Variants in PCDHGA6 observed in about 807,000 individuals in gnomAD.
The protein encoded by PCDHGA6 is protocadherin gamma subfamily A, 6.
PCDHGA6 carries 41 observed loss-of-function variants against 60.6 expected under a neutral mutation model. The ratio of observed to expected loss-of-function variants is 0.68; its 90% CI spans 0.53 to 0.88. The LOEUF (loss-of-function observed/expected upper bound fraction) is 0.88. PCDHGA6 is among the 40% of genes least tolerant of loss of function. The pLI is 0.00. For synonymous variants in PCDHGA6, 594 were observed against 524.4 expected (o/e 1.13, Z -1.81); for missense variants, 1,312 against 1,203.0 (o/e 1.09, Z -1.34).
intron 1 of PCDHGA6, chr5:141,394,033 G>C (rs1242755844): frequency 1.2e-6 from 2 of 1,613,422 alleles, no homozygotes; most frequent in Non-Finnish European, 1.7e-6. Context: ...TTAGTGACAA[G>C]GAAATATTTG....
chr5:141,441,041 C>T (rs2098220628), intron 1 of PCDHGA6: 1 of 152,152 alleles, frequency 6.6e-6, no homozygotes, highest in African/African-American at 2.4e-5. Context: ...ACTTTAAGTA[C>T]ATTGGACTTT....
chr5:141,432,495 C>G lies in PCDHGA6; in HGVS notation c.2424+55988C>G. 1.2e-6 allele frequency: 2 copies of G among 1,614,182 alleles called. No individual in the cohort carries two copies. The highest frequency in any genetic ancestry group is 1.7e-6 in the Non-Finnish European group (2 of 1,180,048). On this transcript the variant is annotated intron_variant, in intron 1 of 3. Coordinates refer to ENST00000517434, the MANE Select transcript of PCDHGA6 (RefSeq NM_018919.3). The surrounding 1 kb of genome is among the most constrained non-coding windows in gnomAD (Gnocchi z 6.0). ...GGTTCCACTGGCGTGGAGCTGGCTC[C>G]CCGCTCCGCAGAGCCCGGCTACCTG...
Position 141,476,085 on chromosome 5 carries a change from G to C in PCDHGA6, c.2425-18722G>C, listed in dbSNP as rs1163057402. On this transcript the variant is annotated intron_variant, in intron 1 of 3. Coordinates refer to ENST00000517434, the MANE Select transcript of PCDHGA6 (RefSeq NM_018919.3). This position sits in a 1 kb window ranked among gnomAD's most constrained non-coding sequence, Gnocchi z 7.6. ...TCAGCGAAATCTCAGGGACGATCTG[G>C]ACCCCGCTGAGAGGAACTGCTTTTG... 1.3e-6 allele frequency: 2 copies of C among 1,551,682 alleles called. No individual in the cohort carries two copies. Among genetic ancestry groups the C allele is most frequent in the East Asian group, 2.3e-5 (1 of 44,392 alleles).
At chr5:141,433,361 A>G (rs1208326325) in intron 1 of PCDHGA6, 15 of 297,508 alleles carry the variant, frequency 5.0e-5, no homozygotes, top group Non-Finnish European at 7.0e-5. Context: ...CTGTCTGCCT[A>G]TCTATCTATC....
chr5:141,390,061 A>G, intron 1 of PCDHGA6: 1 of 1,614,016 alleles, frequency 6.2e-7, no homozygotes, highest in East Asian at 2.2e-5. Context: ...AGCTGCTTCC[A>G]GCCTGGTCTC....
chr5:141,477,042 G>A lies in PCDHGA6; in HGVS notation c.2425-17765G>A. ...ACCGGGATGCTGACAATCAAGGGTC[G>A]GCTGGACTTCGAGGACACCAAACTC... On this transcript the variant is annotated intron_variant, in intron 1 of 3. Transcript: ENST00000517434. This position sits in a 1 kb window ranked among gnomAD's most constrained non-coding sequence, Gnocchi z 4.9. 1 of 1,614,238 alleles carries A rather than the reference G, an allele frequency of 6.2e-7. No homozygotes were observed. Among genetic ancestry groups the A allele is most frequent in the Non-Finnish European group, 8.5e-7 (1 of 1,180,040 alleles).
At chr5:141,408,990 A>T (rs1554103244) in intron 1 of PCDHGA6, 1 of 1,613,984 alleles carries the variant, frequency 6.2e-7, no homozygotes, top group South Asian at 1.1e-5. Flanking sequence ...CCTGTGTTGC[A>T]AGTGACAGCC....
chr5:141,423,246 G>A, intron 1 of PCDHGA6: 15 of 1,613,922 alleles, frequency 9.3e-6, no homozygotes, highest in Non-Finnish European at 1.3e-5. Context: ...CCGAAGTCCT[G>A]GCGGACCTCG....
intron 1 of PCDHGA6, chr5:141,410,735 T>A (rs2095420224): frequency 1.5e-6 from 2 of 1,336,188 alleles, no homozygotes; most frequent in East Asian, 4.7e-5. Context: ...CATAGCTTTT[T>A]ACAATATTTT....
At chr5:141,505,353 G>A (rs376781305) in intron 2 of PCDHGA6, 40 bp from the exon 3 acceptor site, 51 of 1,613,426 alleles carry the variant, frequency 3.2e-5, no homozygotes, top group East Asian at 2.7e-4. Flanking sequence ...GAGCTGTGCC[G>A]GCCTGGGAGT....
chr5:141,399,419 G>A, intron 1 of PCDHGA6: 1 of 1,614,000 alleles, frequency 6.2e-7, no homozygotes, highest in East Asian at 2.2e-5. Flanking sequence ...CTCTCCTCCA[G>A]CATAAGCGTC....
intron 1 of PCDHGA6, chr5:141,421,662 G>C: frequency 5.6e-6 from 9 of 1,613,844 alleles, no homozygotes; most frequent in Non-Finnish European, 7.6e-6. Context: ...AAGTCAGTGA[G>C]CACGCAATTC....
At chr5:141,434,561 G>A (rs2097702856) in intron 1 of PCDHGA6, among the ~76,000 whole-genome samples, 1 of 152,188 alleles carries the variant, frequency 6.6e-6, no homozygotes, top group Non-Finnish European at 1.5e-5. Flanking sequence ...GTGCCTTAAG[G>A]ACATGCCCCT....
intron 1 of PCDHGA6, 138 bp from the exon 2 acceptor site, chr5:141,494,669 T>A: frequency 6.5e-7 from 1 of 1,527,472 alleles, no homozygotes; most frequent in South Asian, 1.2e-5. Context: ...TGGAGATGAG[T>A]CCACCCCTGC....
At position 141,432,724 on chromosome 5, in the gene PCDHGA6, C is replaced by T. The variant is rs752394602; in HGVS notation, c.2424+56217C>T. ...AGGACCACGGCCAGCCCCCTCTCTCCGCCACTGTCACGCTCACCGTGGCCG... is the reference window on the plus strand; with the variant it reads ...AGGACCACGGCCAGCCCCCTCTCTCTGCCACTGTCACGCTCACCGTGGCCG... On this transcript the variant is annotated intron_variant, in intron 1 of 3. Coordinates refer to ENST00000517434, the MANE Select transcript of PCDHGA6 (RefSeq NM_018919.3). The surrounding 1 kb of genome is among the most constrained non-coding windows in gnomAD (Gnocchi z 6.0). The T allele has an allele frequency of 8.1e-6, 13 of 1,614,066 alleles. No individual in the cohort carries two copies. Among genetic ancestry groups the T allele is most frequent in the Middle Eastern group, 1.6e-4 (1 of 6,062 alleles).
At chr5:141,378,896 TTCTGTTA>T (rs1377436714) in intron 1 of PCDHGA6, 1 of 152,242 alleles carries the variant, frequency 6.6e-6, no homozygotes, top group Non-Finnish European at 1.5e-5. Context: ...AGATAGGAGA[TTCTGTTA>T]TCGACAGTCT....
intron 1 of PCDHGA6, 137 bp from the exon 2 acceptor site, chr5:141,494,670 C>T: frequency 6.5e-7 from 1 of 1,529,402 alleles, no homozygotes; most frequent in Non-Finnish European, 8.8e-7. Flanking sequence ...GGAGATGAGT[C>T]CACCCCTGCC....
chr5:141,499,572 T>C (rs2099792782), intron 2 of PCDHGA6, among the ~76,000 whole-genome samples: 1 of 152,178 alleles, frequency 6.6e-6, no homozygotes, highest in Admixed American at 6.5e-5. Flanking sequence ...CAGCTTCAAC[T>C]AATGCCTTAT....
chr5:141,375,177 T>C lies in PCDHGA6; in HGVS notation c.1094T>C (p.Val365Ala). 1 of 1,614,004 alleles carries C rather than the reference T, an allele frequency of 6.2e-7. No individual in the cohort carries two copies. Among genetic ancestry groups the C allele is most frequent in the Non-Finnish European group, 8.5e-7 (1 of 1,179,890 alleles). Residue 365 changes from valine to alanine, a missense_variant, in exon 1 of 4, where the codon GTA (valine) becomes GCA (alanine). Val to Ala is a moderately conservative substitution (Grantham distance 64, BLOSUM62 0). Transcript: ENST00000517434. Reference protein sequence around the residue: ...TIAESAPPGTVIALFQVFDRD... With the variant: ...TIAESAPPGTAIALFQVFDRD... ...GCTGAAAGTGCACCTCCAGGAACAG[T>C]AATCGCCCTTTTTCAAGTGTTCGAT...
Sources: gnomAD v4.1 joint callset for allele counts (sites outside exome capture counted in the v4.1 genomes callset) on GRCh38, gnomAD v4.1.1 for gene constraint, Gnocchi (gnomAD v3.1) non-coding constraint, MANE v1.5 for transcripts, NCBI Gene and HGNC (gene_info 2026-07-23, HGNC 2026-07-21) for gene names.